Variants in NRXN3 observed in about 807,000 individuals in gnomAD.
NRXN3 encodes neurexin III.
A neutral mutation model predicts 137.6 loss-of-function variants in NRXN3; 32 were observed. The observed-to-expected ratio is 0.23, with a 90% CI of 0.18 to 0.31. The LOEUF (loss-of-function observed/expected upper bound fraction) is 0.31. Among genes scored for constraint, NRXN3 ranks in the 10% least tolerant of loss-of-function variants. The pLI, the probability that NRXN3 is intolerant of heterozygous loss-of-function variation, is 1.00. For missense variants in NRXN3, 1,574 were observed against 2,062.5 expected (o/e 0.76, Z 4.59); for synonymous variants, 798 against 784.5 (o/e 1.02, Z -0.29).
intron 4 of NRXN3, among the ~76,000 whole-genome samples, chr14:78,620,593 G>C (rs1453608286): frequency 6.6e-6 from 1 of 152,176 alleles, no homozygotes; most frequent in East Asian, 1.9e-4. Flanking sequence ...TGGCATCTGA[G>C]AATCAGAATA....
chr14:79,479,330 C>T (rs917682225), intron 16 of NRXN3, among the ~76,000 whole-genome samples: 1 of 151,642 alleles, frequency 6.6e-6, no homozygotes, highest in African/African-American at 2.4e-5. Context: ...CCCATTTGGT[C>T]CTGACAACAC....
chr14:79,037,462 A>G (rs867817913), intron 15 of NRXN3, among the ~76,000 whole-genome samples: 2 of 152,120 alleles, frequency 1.3e-5, no homozygotes, highest in African/African-American at 4.8e-5. Flanking sequence ...ATTTATGCCA[A>G]TTAGAAGCAA....
At chr14:78,566,917 G>A (rs1413889689) in intron 4 of NRXN3, among the ~76,000 whole-genome samples, 1 of 152,168 alleles carries the variant, frequency 6.6e-6, no homozygotes, top group Non-Finnish European at 1.5e-5. Flanking sequence ...GTGGTTTCAG[G>A]TGGGGGCAGG....
chr14:78,398,761 G>T (rs148514667), intron 4 of NRXN3, among the ~76,000 whole-genome samples: 1 of 152,266 alleles, frequency 6.6e-6, no homozygotes, highest in East Asian at 1.9e-4. Flanking sequence ...ATTTGTTTCT[G>T]CTGAATAGAA....
intron 4 of NRXN3, among the ~76,000 whole-genome samples, chr14:78,413,368 C>T (rs193221355): frequency 3.1e-4 from 47 of 152,346 alleles, no homozygotes; most frequent in African/African-American, 1.1e-3. Context: ...TCACCACAAC[C>T]TCCACCTACT....
At chr14:79,246,467 C>T (rs978412276) in intron 15 of NRXN3, among the ~76,000 whole-genome samples, 8 of 152,116 alleles carry the variant, frequency 5.3e-5, no homozygotes, top group Non-Finnish European at 8.8e-5. Flanking sequence ...GGATGCTAGC[C>T]GATCCTCTCC....
chr14:79,833,969 G>A (rs986955019), intron 20 of NRXN3, among the ~76,000 whole-genome samples: 5 of 152,086 alleles, frequency 3.3e-5, no homozygotes, highest in African/African-American at 1.2e-4. Flanking sequence ...ATGTAAACAG[G>A]CAGAGGAAAA....
chr14:78,401,990 T>C (rs888938553), intron 4 of NRXN3, among the ~76,000 whole-genome samples: 1 of 152,258 alleles, frequency 6.6e-6, no homozygotes, highest in Non-Finnish European at 1.5e-5. Flanking sequence ...TATTGCATGC[T>C]TTAAAATGGT....
intron 2 of NRXN3, among the ~76,000 whole-genome samples, chr14:78,256,889 T>C (rs2069721642): frequency 2.0e-5 from 3 of 152,220 alleles, no homozygotes. Context: ...CTTTAATTAG[T>C]TATAGTTACT....
intron 4 of NRXN3, among the ~76,000 whole-genome samples, chr14:78,482,679 T>A (rs72681569): frequency 0.014 from 2,175 of 152,320 alleles, 19 homozygotes; most frequent in Non-Finnish European, 0.023. Flanking sequence ...GTTACTTCTG[T>A]TTTGACAGAA....
intron 16 of NRXN3, among the ~76,000 whole-genome samples, chr14:79,504,534 G>A (rs2096854263): frequency 6.6e-6 from 1 of 150,588 alleles, no homozygotes; most frequent in Admixed American, 6.6e-5. Context: ...ATTACTACAA[G>A]TTAGATTTGG....
At chr14:79,434,584 A>G (rs1194798803) in intron 15 of NRXN3, among the ~76,000 whole-genome samples, 5 of 152,242 alleles carry the variant, frequency 3.3e-5, no homozygotes, top group South Asian at 2.1e-4. Flanking sequence ...TATTCTCTTC[A>G]TAAGAAACAC....
chr14:79,131,981 G>A (rs2057567984), intron 15 of NRXN3, among the ~76,000 whole-genome samples: 1 of 152,240 alleles, frequency 6.6e-6, no homozygotes, highest in Non-Finnish European at 1.5e-5. Context: ...CTAGGAAAGG[G>A]AACTCCCTGA....
intron 4 of NRXN3, chr14:78,614,849 A>T (rs939124080): frequency 2.4e-6 from 1 of 414,928 alleles, no homozygotes; most frequent in Non-Finnish European, 4.9e-6. Flanking sequence ...TTATGATGCA[A>T]TTTAGGGCAC....
At chr14:79,525,597 C>T (rs1415707655) in intron 16 of NRXN3, among the ~76,000 whole-genome samples, 1 of 152,208 alleles carries the variant, frequency 6.6e-6, no homozygotes, top group African/African-American at 2.4e-5. Flanking sequence ...ATACTCTTTG[C>T]ATATCACTGA....
intron 17 of NRXN3, among the ~76,000 whole-genome samples, chr14:79,686,677 T>A (rs1396530534): frequency 1.3e-5 from 2 of 152,186 alleles, no homozygotes; most frequent in Non-Finnish European, 2.9e-5. Context: ...CTGATAAATG[T>A]CTGGACTTGA....
intron 16 of NRXN3, among the ~76,000 whole-genome samples, chr14:79,483,788 G>GGTGT (rs1056871872): frequency 6.7e-6 from 1 of 148,360 alleles, no homozygotes; most frequent in African/African-American, 2.6e-5. Context: ...TGTGTGGGTG[G>GGTGT]GTGTGTGTGT....
intron 2 of NRXN3, among the ~76,000 whole-genome samples, chr14:78,272,664 A>AT (rs1354927507): frequency 6.6e-6 from 1 of 152,072 alleles, no homozygotes; most frequent in African/African-American, 2.4e-5. Context: ...CTCATACCTA[A>AT]TTTGTAGCTC....
intron 16 of NRXN3, among the ~76,000 whole-genome samples, chr14:79,568,996 C>A (rs746801010): frequency 1.3e-5 from 2 of 151,962 alleles, no homozygotes; most frequent in African/African-American, 4.8e-5. Context: ...TGATGGGATG[C>A]ATTTTTAAAC....
Sources: allele counts gnomAD v4.1 joint callset (sites outside exome capture counted in the v4.1 genomes callset), GRCh38; gene constraint gnomAD v4.1.1; transcripts MANE v1.5; gene names NCBI Gene and HGNC (gene_info 2026-07-23, HGNC 2026-07-21).